Variants in SH3PXD2B observed in about 807,000 individuals in gnomAD.
SH3PXD2B encodes SH3 and PX domains 2B.
SH3PXD2B carries 37 observed loss-of-function variants against 73.1 expected under a neutral mutation model. That is an observed-to-expected ratio of 0.51 (90% CI 0.39 to 0.67). The LOEUF (loss-of-function observed/expected upper bound fraction) is 0.67, where lower values mean the gene tolerates loss of function less well. Among genes scored for constraint, SH3PXD2B ranks in the 30% least tolerant of loss-of-function variants. The pLI, the probability that SH3PXD2B is intolerant of heterozygous loss-of-function variation, is 0.00. For synonymous variants in SH3PXD2B, 457 were observed against 480.5 expected (o/e 0.95, Z 0.64); for missense variants, 1,053 against 1,197.8 (o/e 0.88, Z 1.78).
chr5:172,422,506 C>T lies in SH3PXD2B; in HGVS notation c.76-10G>A. On this transcript the variant is annotated splice_polypyrimidine_tract_variant and intron_variant, in intron 1 of 12. Coordinates refer to ENST00000311601, the MANE Select transcript of SH3PXD2B (RefSeq NM_001017995.3). The stretch of plus-strand genomic sequence containing the variant: ...CCCGGATGATGTAGACCTGCGGGAG[C>T]AACAGAGGAGATGGGTGTTAACACC... The T allele has an allele frequency of 6.2e-7, 1 of 1,609,460 alleles. No individual in the cohort carries two copies. Among genetic ancestry groups the T allele is most frequent in the Non-Finnish European group, 8.5e-7 (1 of 1,178,774 alleles).
At chr5:172,452,683 C>T (rs1331914873) in intron 1 of SH3PXD2B, among the ~76,000 whole-genome samples, 1 of 152,144 alleles carries the variant, frequency 6.6e-6, no homozygotes, top group Non-Finnish European at 1.5e-5. Flanking sequence ...CTCGTTTTTG[C>T]CAGCTCACAG....
chr5:172,397,788 G>GT (rs2113407367), intron 3 of SH3PXD2B, among the ~76,000 whole-genome samples: 1 of 152,184 alleles, frequency 6.6e-6, no homozygotes, highest in East Asian at 1.9e-4. Flanking sequence ...AATATTCCAC[G>GT]TAACTCTTAT....
intron 7 of SH3PXD2B, among the ~76,000 whole-genome samples, chr5:172,360,649 T>C (rs980879881): frequency 2.6e-5 from 4 of 152,142 alleles, no homozygotes; most frequent in Non-Finnish European, 5.9e-5. Context: ...CTGACCAATA[T>C]GGTGAAACCC....
At chr5:172,431,993 A>T (rs2113484055) in intron 1 of SH3PXD2B, among the ~76,000 whole-genome samples, 1 of 152,152 alleles carries the variant, frequency 6.6e-6, no homozygotes, top group East Asian at 1.9e-4. Flanking sequence ...CCTGGCCAAC[A>T]TGGTGAAACC....
intron 9 of SH3PXD2B, among the ~76,000 whole-genome samples, chr5:172,352,868 G>A (rs1044583890): frequency 5.9e-5 from 9 of 151,966 alleles, no homozygotes; most frequent in Non-Finnish European, 7.4e-5. Flanking sequence ...TATCTTTATC[G>A]GCAGCATGAA....
rs747992958 is a variant in SH3PXD2B at position 172,350,602 on chromosome 5, G to A, written c.786-13C>T. ...TTTGCCCTGGTACCTGTGAAGAGGA[G>A]GAAGGATGCTGTCAAACTGCTCCGC... On this transcript the variant is annotated splice_polypyrimidine_tract_variant and intron_variant, in intron 9 of 12. Coordinates refer to ENST00000311601, the MANE Select transcript of SH3PXD2B (RefSeq NM_001017995.3). 2 of 1,594,146 alleles carry A rather than the reference G, an allele frequency of 1.3e-6. No individual in the cohort carries two copies. The highest frequency in any genetic ancestry group is 4.5e-5 in the East Asian group (2 of 43,988).
At position 172,368,708 on chromosome 5, in the gene SH3PXD2B, TATTA is replaced by T. The variant is rs1407713423; in HGVS notation, c.427+5078_427+5081del. ...ATGTTATATATATAAAATATATATA[TATTA>T]TATATATATAAAATATATATTTAAT... On this transcript the variant is annotated intron_variant, in intron 6 of 12. Transcript: ENST00000311601. Among the ~76,000 whole-genome samples, 5 of 87,222 alleles carry T rather than the reference TATTA, an allele frequency of 5.7e-5. No individual in the cohort carries two copies. In the South Asian group the frequency reaches 1.3e-3, roughly 23 times the overall value. The allele number at this position is 87,222 out of a possible 152,430, so 57.2% of individuals were successfully genotyped here. A position where few individuals can be genotyped will look rare whatever the true frequency, so the allele number is the denominator to read the frequency against.
At chr5:172,345,144 G>A (rs758987788) in intron 12 of SH3PXD2B, among the ~76,000 whole-genome samples, 2 of 148,162 alleles carry the variant, frequency 1.3e-5, no homozygotes, top group African/African-American at 5.1e-5. Context: ...GAATGAAGGC[G>A]TGCAGGCAGG....
Position 172,362,735 on chromosome 5 carries a change from C to T in SH3PXD2B, c.562G>A (p.Gly188Ser). 1 of 1,614,108 alleles carries T rather than the reference C, an allele frequency of 6.2e-7. No homozygotes were observed. ...VVDIIEKNES[G>S]WWFVSTAEEQ... ...AGAGGGAGATGGTCTAGGTCCCCAC[C>T]TGACTCATTCTTCTCGATGATGTCC... Residue 188 changes from glycine to serine, a missense_variant and splice_region_variant, in exon 7 of 13, where the codon GGT becomes AGT. Gly to Ser is a moderately conservative substitution (Grantham distance 56). Transcript: ENST00000311601.
chr5:172,402,103 G>T (rs921217825), intron 3 of SH3PXD2B, among the ~76,000 whole-genome samples: 1 of 152,170 alleles, frequency 6.6e-6, no homozygotes, highest in African/African-American at 2.4e-5. Flanking sequence ...CTTTTTCTCA[G>T]CAAGGAACAG....
At chr5:172,343,890 T>C (rs190028890) in intron 12 of SH3PXD2B, among the ~76,000 whole-genome samples, 27 of 151,920 alleles carry the variant, frequency 1.8e-4, no homozygotes, top group Non-Finnish European at 3.2e-4. Flanking sequence ...CACAACTCCA[T>C]TGCTTACTAG....
chr5:172,348,301 G>A (rs1208544234), intron 10 of SH3PXD2B, among the ~76,000 whole-genome samples: 1 of 152,094 alleles, frequency 6.6e-6, no homozygotes, highest in Non-Finnish European at 1.5e-5. Context: ...GATAGCAGAA[G>A]GAATGCAACC....
chr5:172,362,377 G>A (rs1391857593), intron 7 of SH3PXD2B, among the ~76,000 whole-genome samples: 1 of 152,206 alleles, frequency 6.6e-6, no homozygotes, highest in East Asian at 1.9e-4. Flanking sequence ...AGAGCCCAGA[G>A]CAATGGAGCC....
At chr5:172,368,516 T>TATATATATATTATATATATATATA (rs1757593690) in intron 6 of SH3PXD2B, among the ~76,000 whole-genome samples, 1 of 18,374 alleles carries the variant, frequency 5.4e-5, no homozygotes, top group African/African-American at 3.2e-4. Context: ...ATATATAAAA[T>TATATATATATTATATATATATATA]ATATATATAT....
At chr5:172,420,347 G>T (rs1758933122) in intron 2 of SH3PXD2B, among the ~76,000 whole-genome samples, 1 of 152,166 alleles carries the variant, frequency 6.6e-6, no homozygotes, top group African/African-American at 2.4e-5. Context: ...TGTCTCACTT[G>T]CTTTATATTA....
downstream of SH3PXD2B, among the ~76,000 whole-genome samples, chr5:172,329,129 G>A (rs1389197283): frequency 7.5e-6 from 1 of 133,098 alleles, no homozygotes; most frequent in African/African-American, 2.9e-5. Context: ...TGTCCAGGCT[G>A]GAGTGCAGTG....
rs1757203330 is a variant in SH3PXD2B at position 172,353,501 on chromosome 5, T to C, written c.785+387A>G. Among the ~76,000 whole-genome samples the C allele has an allele frequency of 1.3e-5, 2 of 152,182 alleles. No homozygotes were observed. Among genetic ancestry groups the C allele is most frequent in the Admixed American group, 1.3e-4 (2 of 15,278 alleles). On this transcript the variant is annotated intron_variant, in intron 9 of 12. Coordinates refer to ENST00000311601, the MANE Select transcript of SH3PXD2B (RefSeq NM_001017995.3). This position sits in a 1 kb window ranked among gnomAD's most constrained non-coding sequence, Gnocchi z 4.3. ...GGGCAGATTATCAGCCTAGGACGAA[T>C]TACAGTCCATGAGTGTTTATGCACC...
chr5:172,355,748 G>T (rs983576951), intron 8 of SH3PXD2B, among the ~76,000 whole-genome samples: 18 of 152,088 alleles, frequency 1.2e-4, no homozygotes, highest in African/African-American at 3.6e-4. Flanking sequence ...GTTTCACCGT[G>T]TTAGCCGGGA....
At chr5:172,382,993 C>T (rs1335824800) in intron 4 of SH3PXD2B, among the ~76,000 whole-genome samples, 1 of 152,102 alleles carries the variant, frequency 6.6e-6, no homozygotes, top group Non-Finnish European at 1.5e-5. Flanking sequence ...CCACTTCAGC[C>T]TCCCAAAGTG....
Sources: allele counts gnomAD v4.1 joint callset (sites outside exome capture counted in the v4.1 genomes callset), GRCh38; gene constraint gnomAD v4.1.1; non-coding constraint Gnocchi (gnomAD v3.1); transcripts MANE v1.5; gene names NCBI Gene and HGNC (gene_info 2026-07-23, HGNC 2026-07-21).